Variants in ANKRD36 observed in about 807,000 individuals in gnomAD.
ANKRD36 encodes the protein ankyrin repeat domain 36.
Under a neutral mutation model 278.1 loss-of-function variants are expected in ANKRD36, and 179 were observed. The observed-to-expected ratio is 0.64, with a 90% CI of 0.57 to 0.73. The LOEUF (loss-of-function observed/expected upper bound fraction) is 0.73, where lower values mean the gene tolerates loss of function less well. Among genes scored for constraint, ANKRD36 ranks in the 30% least tolerant of loss-of-function variants. The probability of loss-of-function intolerance (pLI) is 0.00; values close to 1 mark genes in which losing one functional copy is unlikely to be tolerated. For missense variants in ANKRD36, 1,159 were observed against 1,956.7 expected (o/e 0.59, Z 7.69); for synonymous variants, 320 against 641.1 (o/e 0.50, Z 7.57).
chr2:97,200,645 T>A, intron 46 of ANKRD36, 120 bp downstream of exon 46: 1 of 1,456,496 alleles, frequency 6.9e-7, no homozygotes, highest in Non-Finnish European at 9.2e-7. Flanking sequence ...CTTGAGATTC[T>A]TCTTTTCTAA....
intron 24 of ANKRD36, among the ~76,000 whole-genome samples, chr2:97,180,780 A>G (rs528827589): frequency 1.3e-5 from 2 of 151,844 alleles, no homozygotes; most frequent in African/African-American, 2.4e-5. Context: ...AGAAACAAAA[A>G]TGATGTTGAA....
At chr2:97,196,865 G>T in intron 42 of ANKRD36, 77 bp downstream of exon 42, 5 of 1,532,516 alleles carry the variant, frequency 3.3e-6, no homozygotes, top group African/African-American at 1.4e-5. Flanking sequence ...AAATCAGCGG[G>T]GGGCTCATCG....
intron 75 of ANKRD36, among the ~76,000 whole-genome samples, chr2:97,263,258 C>T (rs1317576664): frequency 1.5e-5 from 2 of 129,476 alleles, no homozygotes; most frequent in African/African-American, 6.3e-5. Context: ...GTGACTGCAC[C>T]ATTTTGCATT....
intron 46 of ANKRD36, among the ~76,000 whole-genome samples, chr2:97,201,986 C>CTA (rs1201592672): frequency 2.0e-5 from 3 of 151,952 alleles, no homozygotes; most frequent in Admixed American, 6.6e-5. Context: ...GAAATCATAC[C>CTA]ATGTTTGAAA....
intron 22 of ANKRD36, among the ~76,000 whole-genome samples, chr2:97,174,266 G>T (rs1002831604): frequency 4.6e-5 from 7 of 151,714 alleles, no homozygotes; most frequent in Non-Finnish European, 1.0e-4. Context: ...TAAATAAAAT[G>T]ATTTTTAAAA....
chr2:97,231,651 C>T (rs1331901976), intron 67 of ANKRD36, among the ~76,000 whole-genome samples: 2 of 152,106 alleles, frequency 1.3e-5, no homozygotes, highest in Admixed American at 1.3e-4. Context: ...CTGTCCAGCA[C>T]CCACTGTCTG....
chr2:97,258,830 T>A (rs1398184837), intron 75 of ANKRD36, among the ~76,000 whole-genome samples: 1 of 132,188 alleles, frequency 7.6e-6, no homozygotes, highest in Admixed American at 9.0e-5. Flanking sequence ...TTCATTGTGA[T>A]GTGTGTTGAT....
rs768749074 is a variant in ANKRD36 at position 97,185,457 on chromosome 2, A to T, written c.1988A>T (p.Asp663Val). ...PASKATSDKTDSALNIATEIK... is the reference protein window; with the variant it reads ...PASKATSDKTVSALNIATEIK... ...TTTCAGGCTACAAGTGACAAGACAG[A>T]TTCTGCTTTGAATATAGCTACAGAA... The change falls in exon 30 of 76, where the codon GAT becomes GTT. Residue 663 changes from aspartate to valine, a missense_variant. By Grantham distance (152) the Asp-to-Val change is radical. Coordinates refer to ENST00000420699, the MANE Select transcript of ANKRD36 (RefSeq NM_001354587.1). 3.1e-6 allele frequency: 5 copies of T among 1,610,966 alleles called. No homozygotes were observed. The Admixed American group carries it at 6.7e-5, about 22-fold the overall frequency.
chr2:97,136,884 A>G (rs1300665829), intron 6 of ANKRD36, among the ~76,000 whole-genome samples: 2 of 152,068 alleles, frequency 1.3e-5, no homozygotes, highest in African/African-American at 4.8e-5. Context: ...AATTATGACT[A>G]TTTTATACTG....
Position 97,185,504 on chromosome 2 carries a change from G to A in ANKRD36, c.2035G>A (p.Gly679Arg), listed in dbSNP as rs2057216811. The change falls in exon 30 of 76, where the codon GGG (glycine) becomes AGG (arginine). Residue 679 changes from glycine to arginine, a missense_variant. Physicochemically the swap from Gly to Arg is moderately radical, Grantham distance 125 (BLOSUM62 -2). Coordinates refer to ENST00000420699, the MANE Select transcript of ANKRD36 (RefSeq NM_001354587.1). ...AGAAATAAAGGATGGACTACAGTGT[G>A]GGACAGGTAATTTTGCAAAACACAT... Reference protein sequence around the residue: ...ATEIKDGLQCGTVSSQKQPAL... With the variant: ...ATEIKDGLQCRTVSSQKQPAL... 6.2e-7 allele frequency: 1 copy of A among 1,610,414 alleles called. No homozygotes were observed. The highest frequency in any genetic ancestry group is 1.3e-5 in the African/African-American group (1 of 74,654).
intron 48 of ANKRD36, among the ~76,000 whole-genome samples, chr2:97,203,596 T>G (rs1333382950): frequency 6.6e-6 from 1 of 151,822 alleles, no homozygotes; most frequent in East Asian, 1.9e-4. Flanking sequence ...TTCAACTGAA[T>G]TGTCATGGTA....
rs1424326475 is a variant in ANKRD36 at position 97,224,872 on chromosome 2, A to G, written c.3944A>G (p.Gln1315Arg). 1 of 1,119,732 alleles carries G rather than the reference A, an allele frequency of 8.9e-7. No homozygotes were observed. The highest frequency in any genetic ancestry group is 1.2e-6 in the Non-Finnish European group (1 of 821,152). 69.4% of individuals were successfully genotyped at this position (1,119,732 alleles called of 1,614,324 possible). Reference protein sequence around the residue: ...QKRLEEYENNQPQVKNQIHSR... With the variant: ...QKRLEEYENNRPQVKNQIHSR... ...AGGCTTGAAGAATATGAAAATAACC[A>G]GCCACAGGTATGTAAAAATTTAAAA... The change falls in exon 67 of 76, where the codon CAG (glutamine) becomes CGG (arginine). Residue 1315 changes from glutamine to arginine, a missense_variant. Physicochemically the swap from Gln to Arg is conservative, Grantham distance 43 (BLOSUM62 1). Transcript: ENST00000420699.
chr2:97,215,701 A>G (rs1210181265), intron 62 of ANKRD36: 5 of 1,415,602 alleles, frequency 3.5e-6, no homozygotes, highest in East Asian at 2.6e-5. Flanking sequence ...AGACTTCCCT[A>G]CATTGAAATT....
At position 97,221,598 on chromosome 2, in the gene ANKRD36, G is replaced by A. The variant is rs1449580486; in HGVS notation, c.3877+2352G>A. On this transcript the variant is annotated intron_variant, in intron 66 of 75. Coordinates refer to ENST00000420699, the MANE Select transcript of ANKRD36 (RefSeq NM_001354587.1). ...CTTCTTTTGAGAAGTGTCTGTTCAT[G>A]TCCTTCACCCACTTTTTGATGGGGT... 4.8e-5 allele frequency among the ~76,000 whole-genome samples: 7 copies of A among 145,032 alleles called. No individual in the cohort carries two copies. The South Asian group carries it at 1.4e-3, about 29-fold the overall frequency.
At chr2:97,145,306 A>G (rs1485863023) in intron 10 of ANKRD36, among the ~76,000 whole-genome samples, 1 of 152,074 alleles carries the variant, frequency 6.6e-6, no homozygotes, top group East Asian at 1.9e-4. Context: ...TGGCTGCTCC[A>G]GGAACTACTG....
At chr2:97,220,704 C>G (rs2067180143) in intron 66 of ANKRD36, among the ~76,000 whole-genome samples, 1 of 49,962 alleles carries the variant, frequency 2.0e-5, no homozygotes, top group African/African-American at 8.1e-5. Context: ...GGACAGATTT[C>G]TCTTTTATAA....
intron 42 of ANKRD36, 116 bp downstream of exon 42, chr2:97,196,904 G>A (rs1410513941): frequency 5.9e-5 from 86 of 1,463,734 alleles, no homozygotes; most frequent in Non-Finnish European, 7.3e-5. Flanking sequence ...CAGCAGGCCG[G>A]AGATTCTTCA....
intron 50 of ANKRD36, 73 bp downstream of exon 50, chr2:97,204,336 G>T (rs2062227648): frequency 1.4e-6 from 2 of 1,458,770 alleles, no homozygotes; most frequent in East Asian, 2.5e-5. Flanking sequence ...GAATAAATCA[G>T]CGGGGGGCTC....
At position 97,196,729 on chromosome 2, in the gene ANKRD36, A is replaced by G; in HGVS notation, c.2594A>G (p.Glu865Gly). 1 of 1,560,162 alleles carries G rather than the reference A, an allele frequency of 6.4e-7. No homozygotes were observed. Among genetic ancestry groups the G allele is most frequent in the Non-Finnish European group, 8.7e-7 (1 of 1,155,254 alleles). Residue 865 changes from glutamate (E) to glycine (G), a missense_variant, in exon 42 of 76, where the codon GAG (glutamate) becomes GGG (glycine). Physicochemically the swap from Glu to Gly is moderately conservative, Grantham distance 98. Coordinates refer to ENST00000420699, the MANE Select transcript of ANKRD36 (RefSeq NM_001354587.1). The stretch of plus-strand genomic sequence containing the variant: ...AATTCCATTCAGGGTACAAGTGACG[A>G]GGAAGATTCTGTTTTGGGTATAGCC... ...KPPTLKGTSDEEDSVLGIARE... is the reference protein window; with the variant it reads ...KPPTLKGTSDGEDSVLGIARE...
Sources: allele counts gnomAD v4.1 joint callset (sites outside exome capture counted in the v4.1 genomes callset), GRCh38; gene constraint gnomAD v4.1.1; transcripts MANE v1.5; gene names NCBI Gene and HGNC (gene_info 2026-07-23, HGNC 2026-07-21).